The following WDR20 variants were observed in gnomAD, a reference collection of about 807,000 sequenced individuals.
The protein encoded by WDR20 is WD repeat domain 20, also known as WD repeat-containing protein 20.
A neutral mutation model predicts 38.7 loss-of-function variants in WDR20; 3 were observed. The ratio of observed to expected loss-of-function variants is 0.08; its 90% CI spans 0.04 to 0.20. WDR20 has a LOEUF of 0.20. WDR20 is among the 10% of genes least tolerant of loss of function. The pLI, the probability that WDR20 is intolerant of heterozygous loss-of-function variation, is 1.00. For missense variants in WDR20, 559 were observed against 727.7 expected (o/e 0.77, Z 2.67); for synonymous variants, 298 against 285.6 (o/e 1.04, Z -0.44).
chr14:102,213,755 A>G (rs2062845701), downstream of WDR20: 1 of 985,402 alleles, frequency 1.0e-6, no homozygotes, highest in Non-Finnish European at 1.2e-6. Flanking sequence ...GCCTGCATAC[A>G]AGGTCCTCAT....
rs2050350907 is a variant in WDR20, at chr14:102,140,183, G to T, written c.249+11G>T. The T allele has an allele frequency of 1.2e-6, 2 of 1,609,072 alleles. No homozygotes were observed. The highest frequency in any genetic ancestry group is 2.7e-5 in the African/African-American group (2 of 74,934). On this transcript the variant is annotated intron_variant, in intron 1 of 2. Coordinates refer to ENST00000342702, the MANE Select transcript of WDR20 (RefSeq NM_144574.4). Reference sequence around the variant, plus strand: ...AAGGGGGTCCGCAAGGTACCGACCCGGGCGTCACCGGAGCCAGCCAGCGGC... The same window carrying T: ...AAGGGGGTCCGCAAGGTACCGACCCTGGCGTCACCGGAGCCAGCCAGCGGC...
chr14:102,140,615 T>A (rs1329343414), intron 1 of WDR20, among the ~76,000 whole-genome samples: 1 of 152,090 alleles, frequency 6.6e-6, no homozygotes, highest in Non-Finnish European at 1.5e-5. Context: ...AAGATCTCTG[T>A]AAGGCGGAAC....
At chr14:102,201,944 C>T (rs996855025) in intron 2 of WDR20, among the ~76,000 whole-genome samples, 1 of 151,930 alleles carries the variant, frequency 6.6e-6, no homozygotes, top group Non-Finnish European at 1.5e-5. Context: ...GGAGGGGCTG[C>T]GACTGGGACT....
In WDR20 at chr14:102,174,944, A is replaced by G. The variant is rs72698541; in HGVS notation, c.250-19994A>G. Among the ~76,000 whole-genome samples, 410 of 152,238 alleles carry G rather than the reference A, an allele frequency of 2.7e-3. 3 individuals carry two copies. The highest frequency in any genetic ancestry group is 4.9e-3 in the Non-Finnish European group (332 of 68,018). ...TTGCTGATTTGTTTTAGTTTCTTAT[A>G]GATTCTAGATATTAGTCCTTTGCTG... is the stretch of plus-strand genomic sequence containing the variant. On this transcript the variant is annotated intron_variant, in intron 1 of 2. Coordinates refer to ENST00000342702, the MANE Select transcript of WDR20 (RefSeq NM_144574.4).
chr14:102,152,084 T>C (rs2056091898), intron 1 of WDR20, among the ~76,000 whole-genome samples: 1 of 151,920 alleles, frequency 6.6e-6, no homozygotes, highest in Non-Finnish European at 1.5e-5. Flanking sequence ...CCGGCTAATT[T>C]CTGTATTTTT....
At position 102,209,841 on chromosome 14, in the gene WDR20, A is replaced by G; in HGVS notation, c.1671A>G (p.Thr557=). The G allele has an allele frequency of 6.2e-7, 1 of 1,613,348 alleles. No homozygotes were observed. The highest frequency in any genetic ancestry group is 8.5e-7 in the Non-Finnish European group (1 of 1,179,650). The change falls in exon 3 of 3, where the codon ACA becomes ACG. Residue 557 remains threonine (T), a synonymous_variant. Transcript: ENST00000342702. The surrounding 1 kb of genome is among the most constrained non-coding windows in gnomAD (Gnocchi z 6.0). Reference sequence around the variant, plus strand: ...CTTGTCAGGAGGGATTTATTTGCACATGGGGAAGGCCTGGTAAAGTGGTAA... The same window carrying G: ...CTTGTCAGGAGGGATTTATTTGCACGTGGGGAAGGCCTGGTAAAGTGGTAA... ...VTACQEGFIC[T]WGRPGKVVSF... is the part of the protein sequence containing the mutation.
intron 1 of WDR20, among the ~76,000 whole-genome samples, chr14:102,147,241 A>G (rs2053976675): frequency 6.6e-6 from 1 of 152,214 alleles, no homozygotes; most frequent in African/African-American, 2.4e-5. Context: ...CTAAAAATAC[A>G]AAAATTAGCC....
At chr14:102,140,817 G>A (rs1267479099) in intron 1 of WDR20, among the ~76,000 whole-genome samples, 2 of 152,236 alleles carry the variant, frequency 1.3e-5, no homozygotes, top group Admixed American at 1.3e-4. Flanking sequence ...GATTGTTAAG[G>A]AGAGTCATCT....
At chr14:102,183,469 A>G (rs1213479552) in intron 1 of WDR20, among the ~76,000 whole-genome samples, 2 of 152,254 alleles carry the variant, frequency 1.3e-5, no homozygotes, top group Non-Finnish European at 2.9e-5. Context: ...AAATGCTGTC[A>G]TATGATATAC....
downstream of WDR20, among the ~76,000 whole-genome samples, chr14:102,219,464 C>G (rs2063630864): frequency 6.6e-6 from 1 of 152,244 alleles, no homozygotes. Context: ...ACAGCAGGCC[C>G]AGCACACTCC....
In WDR20 at chr14:102,221,138, C is replaced by T. The variant is rs1428731689; in HGVS notation, c.1693-1692C>T. 3.9e-5 allele frequency among the ~76,000 whole-genome samples: 6 copies of T among 152,224 alleles called. No homozygotes were observed. Among genetic ancestry groups the T allele is most frequent in the Non-Finnish European group, 7.3e-5 (5 of 68,042 alleles). On this transcript the variant is annotated intron_variant, in intron 3 of 3. Coordinates refer to the WDR20 transcript ENST00000335263. This position sits in a 1 kb window ranked among gnomAD's most constrained non-coding sequence, Gnocchi z 4.8. The stretch of plus-strand genomic sequence containing the variant: ...TCCTGTGGGTGGGGCTGCCTCCTAC[C>T]TGGAGCAGCACTCACCTCCACCTGG...
At chr14:102,193,243 C>T (rs2058834553) in intron 1 of WDR20, among the ~76,000 whole-genome samples, 1 of 151,808 alleles carries the variant, frequency 6.6e-6, no homozygotes, top group Admixed American at 6.6e-5. Flanking sequence ...AAGCTGCCTT[C>T]CTCAGACAGC....
chr14:102,213,988 G>T, downstream of WDR20: 1 of 985,526 alleles, frequency 1.0e-6, no homozygotes, highest in Non-Finnish European at 1.2e-6. Context: ...CCAGCTTTGT[G>T]GGTGAGGGCA....
chr14:102,200,467 T>TTTTTGTGTGTGTGTG (rs748066838), intron 2 of WDR20, among the ~76,000 whole-genome samples: 2 of 117,686 alleles, frequency 1.7e-5, no homozygotes, highest in African/African-American at 6.2e-5. Flanking sequence ...ATTTTTTTTT[T>TTTTTGTGTGTGTGTG]TGTGTGTGTG....
At chr14:102,224,691 C>G (rs1258915758), downstream of WDR20, 6 of 455,922 alleles carry the variant, frequency 1.3e-5, no homozygotes, top group Non-Finnish European at 2.6e-5. Flanking sequence ...GTTTAGTTTT[C>G]TTCGGAGGAG....
At chr14:102,170,147 G>A (rs1319497246) in intron 1 of WDR20, among the ~76,000 whole-genome samples, 2 of 152,082 alleles carry the variant, frequency 1.3e-5, no homozygotes, top group African/African-American at 2.4e-5. Flanking sequence ...TGTATACTTC[G>A]GAGATTGTTC....
Position 102,140,112 on chromosome 14 carries a change from C to T in WDR20, c.189C>T (p.Asp63=). The T allele has an allele frequency of 1.9e-6, 3 of 1,614,146 alleles. No individual in the cohort carries two copies. Among genetic ancestry groups the T allele is most frequent in the Non-Finnish European group, 1.7e-6 (2 of 1,180,050 alleles). The change falls in exon 1 of 3, where the codon GAC becomes GAT. Residue 63 remains aspartate (D), a synonymous_variant. Coordinates refer to ENST00000342702, the MANE Select transcript of WDR20 (RefSeq NM_144574.4). The part of the protein sequence containing the change: ...VNLNDQSGNG[D]RLCFNVGREL... ...TCAACGACCAGTCTGGCAACGGCGA[C>T]CGCCTCTGCTTCAATGTGGGCCGGG...
rs139803073 is a variant in WDR20, at chr14:102,208,708, G to A, written c.538G>A (p.Glu180Lys). 6.2e-7 allele frequency: 1 copy of A among 1,614,054 alleles called. No individual in the cohort carries two copies. Among genetic ancestry groups the A allele is most frequent in the Admixed American group, 1.7e-5 (1 of 60,002 alleles). ...TGGGAACATGTACTTATATAATGTGGAGCACACTTGTGGCACCACAGCCCC... is the reference window on the plus strand; with the variant it reads ...TGGGAACATGTACTTATATAATGTGAAGCACACTTGTGGCACCACAGCCCC... ...SSGNMYLYNV[E>K]HTCGTTAPHY... The change falls in exon 3 of 3, where the codon GAG becomes AAG. Residue 180 changes from glutamate to lysine, a missense_variant. By Grantham distance (56) the Glu-to-Lys change is moderately conservative (BLOSUM62 1). Coordinates refer to ENST00000342702, the MANE Select transcript of WDR20 (RefSeq NM_144574.4). The surrounding 1 kb of genome is among the most constrained non-coding windows in gnomAD (Gnocchi z 5.6).
At chr14:102,146,732 A>G (rs547407425) in intron 1 of WDR20, among the ~76,000 whole-genome samples, 2 of 152,092 alleles carry the variant, frequency 1.3e-5, no homozygotes, top group South Asian at 4.1e-4. Context: ...TTTCCCCCCC[A>G]CAGACTTGTT....
Sources: gnomAD v4.1 joint callset for allele counts (sites outside exome capture counted in the v4.1 genomes callset) on GRCh38, gnomAD v4.1.1 for gene constraint, Gnocchi (gnomAD v3.1) non-coding constraint, MANE v1.5 for transcripts, NCBI Gene and HGNC (gene_info 2026-07-23, HGNC 2026-07-21) for gene names.